Variants in CREBRF observed in about 807,000 individuals in gnomAD.
The protein encoded by CREBRF is CREB3 regulatory factor.
In CREBRF, 5 loss-of-function variants were observed where a neutral mutation model predicts 66.1. That is an observed-to-expected ratio of 0.08 (90% CI 0.04 to 0.16). The LOEUF (loss-of-function observed/expected upper bound fraction) is 0.16. Ranked by LOEUF, CREBRF falls within the 10% of genes least tolerant of loss-of-function variation. The pLI is 1.00. For missense variants in CREBRF, 531 were observed against 744.9 expected (o/e 0.71, Z 3.34); for synonymous variants, 229 against 264.4 (o/e 0.87, Z 1.30).
intron 7 of CREBRF, among the ~76,000 whole-genome samples, chr5:173,116,330 A>G (rs1459659923): frequency 6.6e-6 from 1 of 152,240 alleles, no homozygotes; most frequent in Non-Finnish European, 1.5e-5. Flanking sequence ...CAATCAAGAT[A>G]ATGAATATTT....
At chr5:173,085,978 T>G (rs1758133721) in intron 2 of CREBRF, 1 of 1,505,244 alleles carries the variant, frequency 6.6e-7, no homozygotes, top group Admixed American at 1.7e-5. Context: ...AAAAACAGAC[T>G]AGAAATACAT....
chr5:173,126,402 A>G (rs906558657), intron 8 of CREBRF, among the ~76,000 whole-genome samples: 6 of 152,120 alleles, frequency 3.9e-5, no homozygotes, highest in African/African-American at 1.2e-4. Flanking sequence ...TGGCCTCCCA[A>G]AGTATTGGGA....
intron 2 of CREBRF, among the ~76,000 whole-genome samples, chr5:173,081,543 G>A (rs1757942055): frequency 6.6e-6 from 1 of 152,098 alleles, no homozygotes; most frequent in Admixed American, 6.6e-5. Flanking sequence ...TTGAGCACAG[G>A]GAATCAACAA....
chr5:173,082,931 A>C (rs1307450461), intron 2 of CREBRF, among the ~76,000 whole-genome samples: 4 of 142,142 alleles, frequency 2.8e-5, no homozygotes, highest in South Asian at 2.2e-4. Context: ...AAAAAAAAAA[A>C]AAAAAAAAAA....
intron 2 of CREBRF, among the ~76,000 whole-genome samples, chr5:173,081,126 T>TA (rs1757927928): frequency 6.6e-6 from 1 of 152,344 alleles, no homozygotes; most frequent in South Asian, 2.1e-4. Context: ...TCCCAATTCT[T>TA]ACCTTTCATT....
chr5:173,137,575 T>C lies in CREBRF; in HGVS notation c.*3830T>C, dbSNP rs933432208. 6.6e-6 allele frequency: 1 copy of C among 152,062 alleles called. No homozygotes were observed. The highest frequency in any genetic ancestry group is 1.5e-5 in the Non-Finnish European group (1 of 67,928). 9.4% of individuals were successfully genotyped at this position (152,062 alleles called of 1,614,324 possible). A position where few individuals can be genotyped will look rare whatever the true frequency, so the allele number is the denominator to read the frequency against. On this transcript the variant is annotated 3_prime_UTR_variant, in exon 9 of 9. Coordinates refer to ENST00000296953, the MANE Select transcript of CREBRF (RefSeq NM_153607.3). ...TGACTATTTCATTTTTCCAGGATTT[T>C]TTAGGAGAAGAGTACCCATTTTGTT...
chr5:173,103,693 A>G (rs78586862), intron 4 of CREBRF, among the ~76,000 whole-genome samples: 4,958 of 152,334 alleles, frequency 0.033, 113 homozygotes, highest in Non-Finnish European at 0.051. Flanking sequence ...AAATTTTAAT[A>G]GAGCCTTTTC....
chr5:173,130,141 A>G (rs1184309185), intron 8 of CREBRF, among the ~76,000 whole-genome samples: 1 of 152,098 alleles, frequency 6.6e-6, no homozygotes, highest in East Asian at 1.9e-4. Flanking sequence ...TTTATGTAGC[A>G]TGTATTTGGA....
At chr5:173,072,521 C>T (rs1457602053) in intron 1 of CREBRF, among the ~76,000 whole-genome samples, 1 of 152,012 alleles carries the variant, frequency 6.6e-6, no homozygotes, top group Non-Finnish European at 1.5e-5. Flanking sequence ...CGTGATCTGC[C>T]TGCCTTGGCC....
chr5:173,136,974 C>G lies in CREBRF; in HGVS notation c.*3229C>G, dbSNP rs932154016. The G allele has an allele frequency of 6.7e-6, 1 of 149,560 alleles. No homozygotes were observed. The highest frequency in any genetic ancestry group is 1.5e-5 in the Non-Finnish European group (1 of 67,126). 9.3% of individuals were successfully genotyped at this position (149,560 alleles called of 1,614,324 possible). ...ACTATGATTTAAAAAAAAAAAAAAC[C>G]AACAAAAACCTTTTTTCCTAGTTTC... On this transcript the variant is annotated 3_prime_UTR_variant, in exon 9 of 9. Transcript: ENST00000296953.
At chr5:173,073,797 C>G (rs1266008103) in intron 1 of CREBRF, among the ~76,000 whole-genome samples, 1 of 151,820 alleles carries the variant, frequency 6.6e-6, no homozygotes, top group Non-Finnish European at 1.5e-5. Context: ...GAAACACCGT[C>G]TCTACTAAAG....
chr5:173,095,682 C>T (rs542811255), intron 4 of CREBRF, among the ~76,000 whole-genome samples: 3 of 151,824 alleles, frequency 2.0e-5, no homozygotes, highest in African/African-American at 7.3e-5. Context: ...ATATTTTGGC[C>T]GTATTAATTC....
chr5:173,077,494 G>A (rs1361778103), intron 1 of CREBRF, among the ~76,000 whole-genome samples: 1 of 151,930 alleles, frequency 6.6e-6, no homozygotes, highest in Admixed American at 6.6e-5. Context: ...CCAGGTTCAA[G>A]CGATTCTCCT....
intron 4 of CREBRF, among the ~76,000 whole-genome samples, chr5:173,108,153 T>C (rs771928177): frequency 1.3e-5 from 2 of 151,796 alleles, no homozygotes; most frequent in African/African-American, 2.4e-5. Context: ...TTTTAAAAAT[T>C]AAAATAAAAG....
intron 1 of CREBRF, chr5:173,060,162 C>T (rs1460674875): frequency 6.6e-6 from 1 of 150,608 alleles, no homozygotes; most frequent in Non-Finnish European, 1.5e-5. Flanking sequence ...TCACTGTTTG[C>T]TTTTAAAGCT....
At chr5:173,100,723 C>T (rs576353535) in intron 4 of CREBRF, among the ~76,000 whole-genome samples, 3 of 152,244 alleles carry the variant, frequency 2.0e-5, no homozygotes, top group African/African-American at 4.8e-5. Context: ...ACCGCTCCCC[C>T]CCAACCCATA....
chr5:173,070,861 A>T (rs145869497), intron 1 of CREBRF, among the ~76,000 whole-genome samples: 1 of 152,192 alleles, frequency 6.6e-6, no homozygotes, highest in African/African-American at 2.4e-5. Flanking sequence ...TTGATTCCTT[A>T]TCCAGAAGGA....
chr5:173,072,095 A>T (rs1757614483), intron 1 of CREBRF, among the ~76,000 whole-genome samples: 2 of 151,970 alleles, frequency 1.3e-5, no homozygotes, highest in Non-Finnish European at 2.9e-5. Context: ...TTTAATAATT[A>T]TTAAATTTAA....
chr5:173,082,243 G>T (rs1757976978), intron 2 of CREBRF, among the ~76,000 whole-genome samples: 1 of 151,908 alleles, frequency 6.6e-6, no homozygotes, highest in African/African-American at 2.4e-5. Flanking sequence ...CCGATCTCCT[G>T]ACCTCGTGAT....
Sources: allele counts gnomAD v4.1 joint callset (sites outside exome capture counted in the v4.1 genomes callset), GRCh38; gene constraint gnomAD v4.1.1; transcripts MANE v1.5; gene names NCBI Gene and HGNC (gene_info 2026-07-23, HGNC 2026-07-21).